ACSBG1: variants seen among roughly 807,000 people sequenced by gnomAD.
The protein encoded by ACSBG1 is acyl-CoA synthetase bubblegum family member 1.
Under a neutral mutation model 80.2 loss-of-function variants are expected in ACSBG1, and 39 were observed. The observed-to-expected ratio is 0.49, with a 90% CI of 0.38 to 0.64. The LOEUF is 0.64. Among genes scored for constraint, ACSBG1 ranks in the 30% least tolerant of loss-of-function variants. The probability of loss-of-function intolerance (pLI) is 0.00; values close to 1 mark genes in which losing one functional copy is unlikely to be tolerated. For missense variants in ACSBG1, 828 were observed against 966.4 expected (o/e 0.86, Z 1.90); for synonymous variants, 392 against 379.5 (o/e 1.03, Z -0.38).
chr15:78,189,398 A>G (rs1180898709), intron 5 of ACSBG1, among the ~76,000 whole-genome samples: 4 of 151,768 alleles, frequency 2.6e-5, no homozygotes, highest in African/African-American at 4.9e-5. Flanking sequence ...ACTATTCACA[A>G]TAGCAAAGAC....
intron 9 of ACSBG1, among the ~76,000 whole-genome samples, chr15:78,180,046 G>A (rs28699018): frequency 2.0e-5 from 3 of 152,050 alleles, no homozygotes; most frequent in African/African-American, 7.2e-5. Flanking sequence ...ACAGGTGTAC[G>A]GGCAACAACA....
rs763000708 is a variant in ACSBG1, at chr15:78,193,917, G to GC, written c.542+14dup. ...CCAACCCCCTGGAGACCCCGTCCCTGCCCCCGCCACTCACCCTGCAAATAC... is the reference window on the plus strand; with the variant it reads ...CCAACCCCCTGGAGACCCCGTCCCTGCCCCCCGCCACTCACCCTGCAAATAC... On this transcript the variant is annotated intron_variant, in intron 4 of 13. Transcript: ENST00000258873. 3.7e-6 allele frequency: 6 copies of GC among 1,613,102 alleles called. No individual in the cohort carries two copies. The Admixed American group carries it at 5.0e-5, about 13-fold the overall frequency.
At chr15:78,180,171 G>A (rs757158123) in intron 9 of ACSBG1, among the ~76,000 whole-genome samples, 10 of 152,168 alleles carry the variant, frequency 6.6e-5, no homozygotes, top group African/African-American at 2.4e-4. Flanking sequence ...TGCTTTGTTC[G>A]TGCATGTTCA....
At chr15:78,211,780 A>G (rs914163617) in intron 1 of ACSBG1, among the ~76,000 whole-genome samples, 5 of 152,130 alleles carry the variant, frequency 3.3e-5, no homozygotes, top group Admixed American at 3.3e-4. Flanking sequence ...AACCATTTGC[A>G]CACAGAGCCT....
intron 1 of ACSBG1, among the ~76,000 whole-genome samples, chr15:78,218,581 G>A (rs899083778): frequency 5.9e-5 from 9 of 152,266 alleles, no homozygotes; most frequent in Admixed American, 1.3e-4. Flanking sequence ...CTTAGTATGT[G>A]CCAGGCACTG....
chr15:78,182,679 G>A, intron 6 of ACSBG1, 26 bp downstream of exon 6: 6 of 1,614,028 alleles, frequency 3.7e-6, no homozygotes, highest in Non-Finnish European at 2.5e-6. Context: ...GGCCCCACCT[G>A]GCGCCCAGGG....
At chr15:78,209,360 G>A (rs1595896975) in intron 1 of ACSBG1, 2 of 428,944 alleles carry the variant, frequency 4.7e-6, no homozygotes, top group Non-Finnish European at 9.5e-6. Context: ...AAATTTGTGA[G>A]CAAGGCCTGG....
chr15:78,170,898 A>G lies in ACSBG1; in HGVS notation c.*546T>C, dbSNP rs960933037. On this transcript the variant is annotated 3_prime_UTR_variant, in exon 14 of 14. Transcript: ENST00000258873. ...TCAAATTATACATTAAATAGAATCA[A>G]ACAGGCAGCAGCAGTTTTATTAAGC... 1.3e-5 allele frequency: 2 copies of G among 153,264 alleles called. No individual in the cohort carries two copies. Among genetic ancestry groups the G allele is most frequent in the African/African-American group, 4.8e-5 (2 of 41,462 alleles). The allele number at this position is 153,264 out of a possible 1,614,324, so 9.5% of individuals were successfully genotyped here. A position where few individuals can be genotyped will look rare whatever the true frequency, so the allele number is the denominator to read the frequency against.
chr15:78,193,592 G>C lies in ACSBG1; in HGVS notation c.577C>G (p.Pro193Ala). The change falls in exon 5 of 14, where the codon CCA (proline) becomes GCA (alanine). Residue 193 changes from proline (P) to alanine (A), a missense_variant. By Grantham distance (27) the Pro-to-Ala change is conservative (BLOSUM62 -1). Transcript: ENST00000258873. ...TAAGCGATGTACTGGCAGGCCTCTGGGGAGCTGGTGGTGTAGATGCCAGTG... is the reference window on the plus strand; with the variant it reads ...TAAGCGATGTACTGGCAGGCCTCTGCGGAGCTGGTGGTGTAGATGCCAGTG... ...IVTGIYTTSSPEACQYIAYDC... is the reference protein window; with the variant it reads ...IVTGIYTTSSAEACQYIAYDC... 2 of 1,613,844 alleles carry C rather than the reference G, an allele frequency of 1.2e-6. No homozygotes were observed. The highest frequency in any genetic ancestry group is 1.7e-6 in the Non-Finnish European group (2 of 1,179,826).
Position 78,171,190 on chromosome 15 carries a change from C to A in ACSBG1, c.*254G>T. ...CAGCCCTTTCGTTCTGGAAGGAGAG[C>A]TGATCTCATTTGTCACCTGAACAAA... On this transcript the variant is annotated 3_prime_UTR_variant, in exon 14 of 14. Transcript: ENST00000258873. 6.0e-6 allele frequency: 2 copies of A among 335,694 alleles called. No homozygotes were observed. The highest frequency in any genetic ancestry group is 4.2e-5 in the South Asian group (1 of 23,832). The allele number at this position is 335,694 out of a possible 1,614,324, so 20.8% of individuals were successfully genotyped here. A position where few individuals can be genotyped will look rare whatever the true frequency, so the allele number is the denominator to read the frequency against.
At chr15:78,215,885 T>A (rs1216253461) in intron 1 of ACSBG1, among the ~76,000 whole-genome samples, 1 of 152,116 alleles carries the variant, frequency 6.6e-6, no homozygotes, top group South Asian at 2.1e-4. Context: ...TTGGGAAATG[T>A]GTAATCTACC....
At chr15:78,196,279 G>C (rs183147705) in intron 2 of ACSBG1, among the ~76,000 whole-genome samples, 1 of 152,350 alleles carries the variant, frequency 6.6e-6, no homozygotes, top group East Asian at 1.9e-4. Flanking sequence ...CATATCCCGG[G>C]ATGCTAGCCT....
At chr15:78,193,224 C>A (rs2075071958) in intron 5 of ACSBG1, among the ~76,000 whole-genome samples, 1 of 152,234 alleles carries the variant, frequency 6.6e-6, no homozygotes, top group African/African-American at 2.4e-5. Context: ...TTAGGGGAGA[C>A]CCTGTCCCAA....
chr15:78,215,776 AAGAAAGAAAG>A (rs1161305047), intron 1 of ACSBG1, among the ~76,000 whole-genome samples: 19 of 144,126 alleles, frequency 1.3e-4, no homozygotes, highest in African/African-American at 4.7e-4. Flanking sequence ...GAAAGAAAGA[AAGAAAGAAAG>A]AGAAAGAAAG....
intron 1 of ACSBG1, among the ~76,000 whole-genome samples, chr15:78,213,002 G>A (rs866590942): frequency 6.6e-6 from 1 of 152,154 alleles, no homozygotes; most frequent in African/African-American, 2.4e-5. Context: ...CCATTCACCA[G>A]CCTCCCCATC....
chr15:78,192,586 C>A (rs1344116701), intron 5 of ACSBG1, among the ~76,000 whole-genome samples: 1 of 152,198 alleles, frequency 6.6e-6, no homozygotes, highest in Admixed American at 6.5e-5. Context: ...GGGTCTCCCC[C>A]AAGGATTCTG....
chr15:78,207,932 ACCCCTCCAGCAC>A, intron 2 of ACSBG1, 58 bp downstream of exon 2: 1 of 264,832 alleles, frequency 3.8e-6, no homozygotes, highest in East Asian at 8.1e-5. Flanking sequence ...CACACCACCC[ACCCCTCCAGCAC>A]ACCCAGCACA....
intron 1 of ACSBG1, among the ~76,000 whole-genome samples, chr15:78,217,200 T>A (rs8037412): frequency 0.53 from 80,301 of 152,094 alleles, 21,558 homozygotes; most frequent in Non-Finnish European, 0.57. Flanking sequence ...AGTACTAGCT[T>A]GTAACTAACA....
chr15:78,181,773 G>A (rs7166515), intron 8 of ACSBG1, among the ~76,000 whole-genome samples, 196 bp downstream of exon 8: 8,617 of 152,208 alleles, frequency 0.057, 856 homozygotes, highest in African/African-American at 0.2. Context: ...GATTACAGGC[G>A]TGAGCCACCG....
Sources: gnomAD v4.1 joint callset for allele counts (sites outside exome capture counted in the v4.1 genomes callset) on GRCh38, gnomAD v4.1.1 for gene constraint, MANE v1.5 for transcripts, NCBI Gene and HGNC (gene_info 2026-07-23, HGNC 2026-07-21) for gene names.